Variants in BOD1L1 observed in about 807,000 individuals in gnomAD.
BOD1L1 encodes the protein biorientation of chromosomes in cell division protein 1-like 1.
A neutral mutation model predicts 240.7 loss-of-function variants in BOD1L1; 86 were observed. That is an observed-to-expected ratio of 0.36 (90% confidence interval 0.30 to 0.43). The LOEUF is 0.43. BOD1L1 is among the 20% of genes least tolerant of loss of function. The pLI is 1.00. For missense variants in BOD1L1, 3,554 were observed against 3,643.5 expected (o/e 0.98, Z 0.63); for synonymous variants, 1,268 against 1,272.3 (o/e 1.00, Z 0.07).
At chr4:13,582,764 CCTT>C (rs1393626016) in intron 17 of BOD1L1, 28 bp from the exon 18 acceptor site, 6 of 1,493,376 alleles carry the variant, frequency 4.0e-6, no homozygotes, top group Non-Finnish European at 5.6e-6. Flanking sequence ...AAGACTAGAA[CCTT>C]CTTCAAACTG....
intron 5 of BOD1L1, among the ~76,000 whole-genome samples, chr4:13,611,362 G>A (rs1716159289): frequency 6.6e-6 from 1 of 152,172 alleles, no homozygotes; most frequent in African/African-American, 2.4e-5. Flanking sequence ...CAAATTAAAT[G>A]TAACAGAGTT....
chr4:13,600,867 A>C lies in BOD1L1; in HGVS notation c.6033T>G (p.Leu2011=). 6.2e-7 allele frequency: 1 copy of C among 1,613,844 alleles called. No individual in the cohort carries two copies. The highest frequency in any genetic ancestry group is 8.5e-7 in the Non-Finnish European group (1 of 1,179,802). ...CACATTCTGGGACTTCACCAGATAC[A>C]AGAACATCGTAACTACCCCCGACCA... is the stretch of plus-strand genomic sequence containing the variant. ...TGLVGGSYDV[L]VSGEVPECEV... Residue 2011 remains leucine (L), a synonymous_variant, in exon 10 of 26, where the codon CTT becomes CTG. Transcript: ENST00000040738.
Position 13,614,336 on chromosome 4 carries a change from T to G in BOD1L1, c.1034A>C (p.Lys345Thr). Residue 345 changes from lysine (K) to threonine (T), a missense_variant, in exon 4 of 26, where the codon AAA (lysine) becomes ACA (threonine). By Grantham distance (78) the Lys-to-Thr change is moderately conservative. This residue lies in a region of BOD1L1 where 3,393 missense variants were observed against 3,427.1 expected (regional missense o/e 0.99). Coordinates refer to ENST00000040738, the MANE Select transcript of BOD1L1 (RefSeq NM_148894.3). ...KKEKKEKTEK[K>T]FDHSKKSEDT... Reference sequence around the variant, plus strand: ...TTCACTCTTTTTTGAGTGATCAAATTTCTTTTCAGTCTTTTCCTTCTTTTC... The same window carrying G: ...TTCACTCTTTTTTGAGTGATCAAATGTCTTTTCAGTCTTTTCCTTCTTTTC... 1.3e-6 allele frequency: 2 copies of G among 1,550,830 alleles called. No individual in the cohort carries two copies. Among genetic ancestry groups the G allele is most frequent in the Non-Finnish European group, 1.7e-6 (2 of 1,146,886 alleles).
At position 13,599,819 on chromosome 4, in the gene BOD1L1, C is replaced by T. The variant is rs3822227; in HGVS notation, c.7081G>A (p.Gly2361Ser). The change falls in exon 10 of 26, where the codon GGT (glycine) becomes AGT (serine). Residue 2361 changes from glycine to serine, a missense_variant. Coordinates refer to ENST00000040738, the MANE Select transcript of BOD1L1 (RefSeq NM_148894.3). ...QLTADNPEGN[G>S]DLSATEVSKH... is the part of the protein sequence containing the mutation. ...CTCACTTCTGTGGCTGACAGGTCAC[C>T]GTTCCCTTCTGGGTTGTCTGCAGTC... 4.1e-4 allele frequency: 656 copies of T among 1,613,968 alleles called. 10 individuals are homozygous for T. The East Asian group carries it at 0.014, about 35-fold the overall frequency.
In BOD1L1 at chr4:13,601,435, G is replaced by A. The variant is rs771167771; in HGVS notation, c.5465C>T (p.Ser1822Leu). 97 of 1,613,914 alleles carry A rather than the reference G, an allele frequency of 6.0e-5. No individual in the cohort carries two copies. The highest frequency in any genetic ancestry group is 5.9e-4 in the South Asian group (54 of 91,082). The change falls in exon 10 of 26, where the codon TCG becomes TTG. Residue 1822 changes from serine to leucine, a missense_variant. By Grantham distance (145) the Ser-to-Leu change is moderately radical. Transcript: ENST00000040738. ...SSEGFAISSESEENGESAMDS... is the reference protein window; with the variant it reads ...SSEGFAISSELEENGESAMDS... ...CATTGCACTCTCTCCATTTTCTTCC[G>A]ATTCAGAACTTATAGCAAAGCCTTC... is the stretch of plus-strand genomic sequence containing the variant.
chr4:13,603,852 C>T lies in BOD1L1; in HGVS notation c.3048G>A (p.Leu1016=), dbSNP rs773762500. 70 of 1,613,314 alleles carry T rather than the reference C, an allele frequency of 4.3e-5. No homozygotes were observed. The Middle Eastern group carries it at 6.6e-4, about 15-fold the overall frequency. Residue 1016 remains leucine (L), a synonymous_variant, in exon 10 of 26, where the codon TTG becomes TTA. Coordinates refer to ENST00000040738, the MANE Select transcript of BOD1L1 (RefSeq NM_148894.3). Reference sequence around the variant, plus strand: ...AGCTTCTGCTTTTGTGGCCATCTGACAACTTTCTCTCAAGCCTGGTGGAAG... The same window carrying T: ...AGCTTCTGCTTTTGTGGCCATCTGATAACTTTCTCTCAAGCCTGGTGGAAG... ...DSTSTRLERK[L]SDGHKSRSLK... is the part of the protein sequence containing the mutation.
chr4:13,590,566 G>A, intron 13 of BOD1L1, 120 bp from the exon 14 acceptor site: 1 of 481,938 alleles, frequency 2.1e-6, no homozygotes, highest in Non-Finnish European at 3.8e-6. Flanking sequence ...AAAAGGAATT[G>A]GGGTACATAT....
Position 13,585,146 on chromosome 4 carries a change from G to A in BOD1L1, c.8433+1250C>T, listed in dbSNP as rs139764213. ...TTTGGACAGGGCAGGGTGAGGGATA[G>A]TTTAAGAGCCTGTTTCTTCCTTTGG... On this transcript the variant is annotated intron_variant, in intron 17 of 25. Coordinates refer to ENST00000040738, the MANE Select transcript of BOD1L1 (RefSeq NM_148894.3). Among the ~76,000 whole-genome samples the A allele has an allele frequency of 1.3e-4, 20 of 152,330 alleles. 1 individual carries two copies. The East Asian group carries it at 3.7e-3, about 28-fold the overall frequency.
intron 8 of BOD1L1, among the ~76,000 whole-genome samples, chr4:13,607,416 A>T (rs1335227731): frequency 6.6e-6 from 1 of 152,214 alleles, no homozygotes; most frequent in African/African-American, 2.4e-5. Flanking sequence ...CTCCTGCCTC[A>T]GCCTCCCAAG....
chr4:13,580,901 T>C, intron 21 of BOD1L1, 119 bp downstream of exon 21: 1 of 882,262 alleles, frequency 1.1e-6, no homozygotes, highest in South Asian at 1.9e-5. Flanking sequence ...GAATGGTTAC[T>C]CAGTCTTTTA....
In BOD1L1 at chr4:13,581,647, G is replaced by A. The variant is rs1035060668; in HGVS notation, c.8593-440C>T. Among the ~76,000 whole-genome samples, 14 of 152,216 alleles carry A rather than the reference G, an allele frequency of 9.2e-5. No homozygotes were observed. The East Asian group carries it at 2.5e-3, about 27-fold the overall frequency. On this transcript the variant is annotated intron_variant, in intron 19 of 25. Transcript: ENST00000040738. ...AACCTGGCAATGGTTATCTAGACCC[G>A]GCTAGTGCACAGGCTGTGTCTCTTG...
chr4:13,575,113 G>T (rs1014962590), intron 25 of BOD1L1, among the ~76,000 whole-genome samples: 7 of 151,880 alleles, frequency 4.6e-5, no homozygotes, highest in African/African-American at 1.7e-4. Context: ...TAGAGATGGG[G>T]TTTCACCATA....
At position 13,602,281 on chromosome 4, in the gene BOD1L1, G is replaced by T. The variant is rs374519964; in HGVS notation, c.4619C>A (p.Thr1540Asn). 42 of 1,613,838 alleles carry T rather than the reference G, an allele frequency of 2.6e-5. No homozygotes were observed. Among genetic ancestry groups the T allele is most frequent in the African/African-American group, 4.0e-5 (3 of 74,918 alleles). Residue 1540 changes from threonine to asparagine, a missense_variant, in exon 10 of 26, where the codon ACC becomes AAC. Physicochemically the swap from Thr to Asn is moderately conservative, Grantham distance 65. Around this residue, in one of 2 missense-constraint regions of BOD1L1, gnomAD observed 3,393 missense variants for 3,427.1 expected, o/e 0.99. Coordinates refer to ENST00000040738, the MANE Select transcript of BOD1L1 (RefSeq NM_148894.3). ...LSPVKAGPAT[T>N]TSSETRQSEV... ...ACTTTGTCTTGTTTCTGAAGAAGTG[G>T]TTGTGGCAGGCCCAGCCTTCACTGG...
chr4:13,580,495 G>A (rs2108890434), intron 21 of BOD1L1, among the ~76,000 whole-genome samples: 1 of 152,244 alleles, frequency 6.6e-6, no homozygotes, highest in Admixed American at 6.5e-5. Flanking sequence ...TGCTCTTCTT[G>A]TAATGTCCTC....
rs867893567 is a variant in BOD1L1, at chr4:13,613,520, G to A, written c.1316C>T (p.Thr439Met). Residue 439 changes from threonine (T) to methionine (M), a missense_variant, in exon 5 of 26, where the codon ACG (threonine) becomes ATG (methionine). By Grantham distance (81) the Thr-to-Met change is moderately conservative. Transcript: ENST00000040738. The surrounding 1 kb of genome is among the most constrained non-coding windows in gnomAD (Gnocchi z 4.0). ...TSDSMEEGEI[T>M]SDDEEKNKQN... The stretch of plus-strand genomic sequence containing the variant: ...TATGTAAAATGCTTTACCATCTGAC[G>A]TAATCTCTCCTTCTTCCATGCTATC... 20 of 1,610,536 alleles carry A rather than the reference G, an allele frequency of 1.2e-5. No homozygotes were observed. The highest frequency in any genetic ancestry group is 2.2e-5 in the South Asian group (2 of 90,784).
rs1715110626 is a variant in BOD1L1 at position 13,601,083 on chromosome 4, T to C, written c.5817A>G (p.Lys1939=). 1 of 1,613,846 alleles carries C rather than the reference T, an allele frequency of 6.2e-7. No individual in the cohort carries two copies. The highest frequency in any genetic ancestry group is 8.5e-7 in the Non-Finnish European group (1 of 1,179,910). The change falls in exon 10 of 26, where the codon AAA becomes AAG. Residue 1939 remains lysine (K), a synonymous_variant. Coordinates refer to ENST00000040738, the MANE Select transcript of BOD1L1 (RefSeq NM_148894.3). ...AGCAGATATCTGTGTCTTTACTTCC[T>C]TTCTCTGTGCCACTCATGCTGTCAA... ...NNVDSMSGTE[K]GSKDTDICSS...
chr4:13,579,182 C>G (rs1298586016), intron 22 of BOD1L1, among the ~76,000 whole-genome samples: 1 of 152,186 alleles, frequency 6.6e-6, no homozygotes, highest in African/African-American at 2.4e-5. Flanking sequence ...TACCCACATT[C>G]AGAAAACATT....
rs752078300 is a variant in BOD1L1 at position 13,590,384 on chromosome 4, ACCT to A, written c.8208_8209+1del. The A allele has an allele frequency of 2.7e-6, 4 of 1,474,504 alleles. No individual in the cohort carries two copies. In the African/African-American group the frequency reaches 5.7e-5, roughly 21 times the overall value. 91.3% of individuals were successfully genotyped at this position (1,474,504 alleles called of 1,614,324 possible). A position where few individuals can be genotyped will look rare whatever the true frequency, so the allele number is the denominator to read the frequency against. On this transcript the variant is annotated splice_donor_variant and coding_sequence_variant, in exon 14 of 26. Transcript: ENST00000040738. LOFTEE classifies it high-confidence loss of function. Reference sequence around the variant, plus strand: ...CTATAACTATGAAATTCATTAACTTACCTCCTTTGTTATAAGATTCGCTATGAA... The same window carrying A: ...CTATAACTATGAAATTCATTAACTTACCTTTGTTATAAGATTCGCTATGAA...
At chr4:13,584,951 A>G (rs1224425666) in intron 17 of BOD1L1, among the ~76,000 whole-genome samples, 1 of 152,228 alleles carries the variant, frequency 6.6e-6, no homozygotes, top group Non-Finnish European at 1.5e-5. Flanking sequence ...TCCATGTAAC[A>G]TTCTTCTGTA....
Sources: allele counts gnomAD v4.1 joint callset (sites outside exome capture counted in the v4.1 genomes callset), GRCh38; gene constraint gnomAD v4.1.1; regional missense constraint gnomAD v4.1.1; non-coding constraint Gnocchi (gnomAD v3.1); transcripts MANE v1.5; gene names NCBI Gene and HGNC (gene_info 2026-07-23, HGNC 2026-07-21).